The following ZNF318 variants were observed in gnomAD, a reference collection of about 807,000 sequenced individuals.
ZNF318 encodes endocrine regulator.
In ZNF318, 51 loss-of-function variants were observed where a neutral mutation model predicts 124.2. That is an observed-to-expected ratio of 0.41 (90% confidence interval 0.33 to 0.52). The LOEUF (loss-of-function observed/expected upper bound fraction) is 0.52. Among genes scored for constraint, ZNF318 ranks in the 20% least tolerant of loss-of-function variants. ZNF318 has a pLI of 0.23. For synonymous variants in ZNF318, 1,090 were observed against 1,040.7 expected (o/e 1.05, Z -0.91); for missense variants, 2,815 against 2,811.2 (o/e 1.00, Z -0.03).
chr6:43,367,660 A>G (rs1779779753), intron 1 of ZNF318, among the ~76,000 whole-genome samples: 1 of 152,212 alleles, frequency 6.6e-6, no homozygotes, highest in African/African-American at 2.4e-5. Flanking sequence ...GACTGGAGCA[A>G]ATACATTGCG....
chr6:43,368,928 T>C, intron 1 of ZNF318, 39 bp downstream of exon 1: 1 of 1,316,552 alleles, frequency 7.6e-7, no homozygotes, highest in Non-Finnish European at 9.7e-7. Context: ...GGGAGGGGAC[T>C]GGGGGATGGA....
In ZNF318 at chr6:43,355,561, C is replaced by T. The variant is rs147331774; in HGVS notation, c.1773G>A (p.Lys591=). Residue 591 remains lysine (K), a synonymous_variant, in exon 4 of 10, where the codon AAG becomes AAA. Transcript: ENST00000361428. ...SLEETNPEYA[K]IHDLLKTIGL... The stretch of plus-strand genomic sequence containing the variant: ...CTATTGTCTTGAGCAAGTCATGGAT[C>T]TTCGCATATTCTGGATTGGTCTCTT... 1 of 1,614,208 alleles carries T rather than the reference C, an allele frequency of 6.2e-7. No individual in the cohort carries two copies. Among genetic ancestry groups the T allele is most frequent in the Non-Finnish European group, 8.5e-7 (1 of 1,180,034 alleles).
In ZNF318 at chr6:43,337,494, G is replaced by A. The variant is rs1779299419; in HGVS notation, c.6504C>T (p.Cys2168=). The A allele has an allele frequency of 1.2e-6, 2 of 1,614,186 alleles. No individual in the cohort carries two copies. The highest frequency in any genetic ancestry group is 1.7e-6 in the Non-Finnish European group (2 of 1,180,030). ...INSAGLGPSP[C]LPDLVDFVTR... ...TGACAAAGTCAACAAGGTCTGGAAG[G>A]CAAGGAGATGGCCCAAGGCCTGCAG... The change falls in exon 10 of 10, where the codon TGC becomes TGT. Residue 2168 remains cysteine, a synonymous_variant. Coordinates refer to ENST00000361428, the MANE Select transcript of ZNF318 (RefSeq NM_014345.3).
At chr6:43,350,945 A>C (rs1779515804) in intron 5 of ZNF318, among the ~76,000 whole-genome samples, 2 of 152,224 alleles carry the variant, frequency 1.3e-5, no homozygotes, top group South Asian at 4.1e-4. Flanking sequence ...TCTCCTCTAT[A>C]AGATTCATAT....
intron 1 of ZNF318, chr6:43,368,616 C>G: frequency 1.0e-6 from 1 of 961,608 alleles, no homozygotes; most frequent in South Asian, 4.8e-5. Context: ...ATGAAAAGTA[C>G]GGAACCCCGA....
Position 43,340,057 on chromosome 6 carries a change from G to C in ZNF318, c.3941C>G (p.Ala1314Gly). The change falls in exon 10 of 10, where the codon GCT (alanine) becomes GGT (glycine). Residue 1314 changes from alanine (A) to glycine (G), a missense_variant. Transcript: ENST00000361428. The stretch of plus-strand genomic sequence containing the variant: ...GATTTTGATAGGCTTTGCCTTCCCA[G>C]CTTCAGTTTTGCCATCCTCTTTGTC... ...SKDKEDGKTE[A>G]GKAKPIKIKL... The C allele has an allele frequency of 6.2e-7, 1 of 1,614,142 alleles. No homozygotes were observed. The highest frequency in any genetic ancestry group is 1.1e-5 in the South Asian group (1 of 91,080).
intron 1 of ZNF318, among the ~76,000 whole-genome samples, chr6:43,366,780 C>T (rs1257985913): frequency 2.0e-5 from 3 of 152,088 alleles, no homozygotes; most frequent in Non-Finnish European, 4.4e-5. Context: ...CACTCAAGCC[C>T]GGGTGACAGA....
At chr6:43,356,751 C>T (rs531479161) in intron 3 of ZNF318, among the ~76,000 whole-genome samples, 1 of 152,244 alleles carries the variant, frequency 6.6e-6, no homozygotes, top group African/African-American at 2.4e-5. Flanking sequence ...TCCTACAACT[C>T]ATACATCTTG....
intron 1 of ZNF318, 60 bp downstream of exon 1, chr6:43,368,906 CG>C: frequency 7.8e-7 from 1 of 1,284,208 alleles, no homozygotes; most frequent in Non-Finnish European, 9.9e-7. Context: ...TTTCTGGAAA[CG>C]GGAATTCCGG....
Position 43,350,801 on chromosome 6 carries a change from G to T in ZNF318, c.2770+1576C>A, listed in dbSNP as rs147728545. On this transcript the variant is annotated intron_variant, in intron 5 of 9. Coordinates refer to ENST00000361428, the MANE Select transcript of ZNF318 (RefSeq NM_014345.3). ...TGCACTTCAGCCTGGGTGACACAGC[G>T]AGACCCTGTCTCAAAAAAAATTTTT... 1.8e-3 allele frequency among the ~76,000 whole-genome samples: 276 copies of T among 152,178 alleles called. 1 individual carries two copies. Among genetic ancestry groups the T allele is most frequent in the East Asian group, 0.018 (93 of 5,180 alleles).
intron 1 of ZNF318, chr6:43,368,690 G>A (rs2150759633): frequency 1.0e-6 from 1 of 985,460 alleles, no homozygotes; most frequent in East Asian, 1.1e-4. Context: ...CCTCGCCTTG[G>A]CAAACTTTCC....
intron 2 of ZNF318, among the ~76,000 whole-genome samples, chr6:43,363,108 A>C (rs1779705838): frequency 6.6e-6 from 1 of 152,228 alleles, no homozygotes; most frequent in South Asian, 2.1e-4. Flanking sequence ...TAAGAGGAAA[A>C]ATTTTAATTT....
chr6:43,353,376 C>CT (rs11435695), intron 4 of ZNF318, among the ~76,000 whole-genome samples: 64,215 of 141,670 alleles, frequency 0.45, 16,698 homozygotes, highest in East Asian at 0.66. Flanking sequence ...TTCTTCAGAA[C>CT]TTTTTTTTTT....
At position 43,355,941 on chromosome 6, in the gene ZNF318, G is replaced by T; in HGVS notation, c.1393C>A (p.Pro465Thr). Reference protein sequence around the residue: ...PLPGIPKDNSPLREKFGSFLC... With the variant: ...PLPGIPKDNSTLREKFGSFLC... ...AAACTTCCAAATTTTTCTCTGAGAG[G>T]ACTGTTGTCTTTGGGAATCCCAGGA... The change falls in exon 4 of 10, where the codon CCT becomes ACT. Residue 465 changes from proline to threonine, a missense_variant. Around this residue, in one of 4 missense-constraint regions of ZNF318, gnomAD observed 1,377 missense variants for 1,353.5 expected, o/e 1.02. Coordinates refer to ENST00000361428, the MANE Select transcript of ZNF318 (RefSeq NM_014345.3). 1.2e-6 allele frequency: 2 copies of T among 1,614,200 alleles called. No individual in the cohort carries two copies. The highest frequency in any genetic ancestry group is 1.7e-6 in the Non-Finnish European group (2 of 1,180,048).
At position 43,352,488 on chromosome 6, in the gene ZNF318, A is replaced by G; in HGVS notation, c.2671-12T>C. 1 of 1,611,422 alleles carries G rather than the reference A, an allele frequency of 6.2e-7. No individual in the cohort carries two copies. The highest frequency in any genetic ancestry group is 8.5e-7 in the Non-Finnish European group (1 of 1,177,606). On this transcript the variant is annotated splice_polypyrimidine_tract_variant and intron_variant, in intron 4 of 9. Transcript: ENST00000361428. The stretch of plus-strand genomic sequence containing the variant: ...CTCTCTTCAATAACCTGCAAAATAC[A>G]AAGTGGTAAGAGAGTCCATCTCCTC...
Position 43,369,432 on chromosome 6 carries a change from G to C in ZNF318, c.-67C>G, listed in dbSNP as rs1470209681. 4.4e-6 allele frequency: 5 copies of C among 1,133,434 alleles called. No homozygotes were observed. Among genetic ancestry groups the C allele is most frequent in the Non-Finnish European group, 5.4e-6 (5 of 921,292 alleles). 70.2% of individuals were successfully genotyped at this position (1,133,434 alleles called of 1,614,324 possible). ...GGCGCCCTAGACGCAGGCTCGGAGCGCGCCGCCGCAGCTGCAGCCGCCGCC... is the reference window on the plus strand; with the variant it reads ...GGCGCCCTAGACGCAGGCTCGGAGCCCGCCGCCGCAGCTGCAGCCGCCGCC... On this transcript the variant is annotated 5_prime_UTR_variant, in exon 1 of 10. Transcript: ENST00000361428.
At position 43,354,926 on chromosome 6, in the gene ZNF318, G is replaced by C. The variant is rs764008601; in HGVS notation, c.2408C>G (p.Pro803Arg). ...TGACGGTTGAGAGGTGGGATACATGGGCCATCTGGAGGCTGCATATGCCAT... is the reference window on the plus strand; with the variant it reads ...TGACGGTTGAGAGGTGGGATACATGCGCCATCTGGAGGCTGCATATGCCAT... ...HYMAYAASRW[P>R]MYPTSQPSNH... Residue 803 changes from proline to arginine, a missense_variant, in exon 4 of 10, where the codon CCC becomes CGC. Pro to Arg is a moderately radical substitution (Grantham distance 103). Transcript: ENST00000361428. 3.1e-6 allele frequency: 5 copies of C among 1,611,246 alleles called. No individual in the cohort carries two copies. The African/African-American group carries it at 4.0e-5, about 13-fold the overall frequency.
In ZNF318 at chr6:43,342,170, C is replaced by G. The variant is rs1277007572; in HGVS notation, c.3318G>C (p.Gln1106His). Reference protein sequence around the residue: ...PYNRPWASKTQSEAKQDAIKR... With the variant: ...PYNRPWASKTHSEAKQDAIKR... ...TTATGGCATCTTGCTTGGCCTCACT[C>G]TGGGTCTTTGAAGCCCAAGGTCTGT... Residue 1106 changes from glutamine to histidine, a missense_variant, in exon 8 of 10, where the codon CAG becomes CAC. Coordinates refer to ENST00000361428, the MANE Select transcript of ZNF318 (RefSeq NM_014345.3). 5 of 1,613,914 alleles carry G rather than the reference C, an allele frequency of 3.1e-6. No individual in the cohort carries two copies. The highest frequency in any genetic ancestry group is 4.2e-6 in the Non-Finnish European group (5 of 1,179,878).
In ZNF318 at chr6:43,338,930, T is replaced by A. The variant is rs757952687; in HGVS notation, c.5068A>T (p.Thr1690Ser). ...ATGGCCAAAGTGTCTGTCTTTGGGGTAATTGTTTCATAAGGCCTGCTTTGG... is the reference window on the plus strand; with the variant it reads ...ATGGCCAAAGTGTCTGTCTTTGGGGAAATTGTTTCATAAGGCCTGCTTTGG... ...LCQSRPYETI[T>S]PKTDTLAIWT... The change falls in exon 10 of 10, where the codon ACC (threonine) becomes TCC (serine). Residue 1690 changes from threonine (T) to serine (S), a missense_variant. Thr to Ser is a moderately conservative substitution (Grantham distance 58, BLOSUM62 1). Transcript: ENST00000361428. 6.2e-7 allele frequency: 1 copy of A among 1,614,054 alleles called. No homozygotes were observed. Among genetic ancestry groups the A allele is most frequent in the Non-Finnish European group, 8.5e-7 (1 of 1,180,022 alleles).
Sources: allele counts gnomAD v4.1 joint callset (sites outside exome capture counted in the v4.1 genomes callset), GRCh38; gene constraint gnomAD v4.1.1; regional missense constraint gnomAD v4.1.1; transcripts MANE v1.5; gene names NCBI Gene and HGNC (gene_info 2026-07-23, HGNC 2026-07-21).